Variants in RFX3 observed in about 807,000 individuals in gnomAD.
RFX3 encodes the protein regulatory factor X3.
Under a neutral mutation model 98.6 loss-of-function variants are expected in RFX3, and 14 were observed. That is an observed-to-expected ratio of 0.14 (90% confidence interval 0.09 to 0.22). The LOEUF (loss-of-function observed/expected upper bound fraction) is 0.22. RFX3 is among the 10% of genes least tolerant of loss of function. RFX3 has a pLI of 1.00. For synonymous variants in RFX3, 383 were observed against 328.4 expected (o/e 1.17, Z -1.80); for missense variants, 639 against 926.9 (o/e 0.69, Z 4.03).
chr9:3,481,852 C>T (rs1242665799), intron 1 of RFX3, among the ~76,000 whole-genome samples: 4 of 149,446 alleles, frequency 2.7e-5, no homozygotes, highest in East Asian at 2.3e-4. Context: ...TTCAACTATT[C>T]GATTGCCAAA....
At chr9:3,339,179 T>C (rs1046472847) in intron 3 of RFX3, among the ~76,000 whole-genome samples, 1 of 152,100 alleles carries the variant, frequency 6.6e-6, no homozygotes, top group Admixed American at 6.6e-5. Context: ...TTATATTCTG[T>C]GGCCGTTGCT....
intron 1 of RFX3, among the ~76,000 whole-genome samples, chr9:3,436,027 T>C (rs1389325309): frequency 6.6e-6 from 1 of 151,966 alleles, no homozygotes; most frequent in Non-Finnish European, 1.5e-5. Flanking sequence ...TAAGTAGTAG[T>C]GATAGGTAAC....
At chr9:3,313,481 C>T (rs1218978084) in intron 4 of RFX3, among the ~76,000 whole-genome samples, 1 of 152,206 alleles carries the variant, frequency 6.6e-6, no homozygotes, top group Admixed American at 6.5e-5. Flanking sequence ...AGGAACGCAG[C>T]TCCCCGCCAG....
chr9:3,441,308 T>TGAGAGAGA (rs562907863), intron 1 of RFX3, among the ~76,000 whole-genome samples: 1 of 147,102 alleles, frequency 6.8e-6, no homozygotes, highest in Non-Finnish European at 1.5e-5. Flanking sequence ...GCTACAGAAT[T>TGAGAGAGA]GAGAGAGAGA....
At chr9:3,477,140 G>C (rs993579644) in intron 1 of RFX3, among the ~76,000 whole-genome samples, 2 of 151,890 alleles carry the variant, frequency 1.3e-5, no homozygotes, top group African/African-American at 4.8e-5. Context: ...CACTTCTCCA[G>C]ACAGCAAAGT....
At chr9:3,366,267 C>T (rs1453944530) in intron 2 of RFX3, among the ~76,000 whole-genome samples, 2 of 152,090 alleles carry the variant, frequency 1.3e-5, no homozygotes, top group African/African-American at 2.4e-5. Flanking sequence ...TAGGAGAGTA[C>T]ATATAGTATA....
chr9:3,228,218 G>A (rs755697619), intron 16 of RFX3, among the ~76,000 whole-genome samples: 9 of 152,042 alleles, frequency 5.9e-5, no homozygotes, highest in Non-Finnish European at 1.0e-4. Flanking sequence ...TGCTCTATCC[G>A]CATTCTATCT....
chr9:3,248,741 G>A lies in RFX3; in HGVS notation c.1815-556C>T, dbSNP rs192287672. 2.1e-3 allele frequency among the ~76,000 whole-genome samples: 314 copies of A among 152,250 alleles called. 1 individual carries two copies. The highest frequency in any genetic ancestry group is 7.1e-3 in the African/African-American group (293 of 41,552). ...CAGCAAGTTTCCTTGGAAGGCAAAC[G>A]TATTAAGTGTTTCCAGTTTCTTAAT... On this transcript the variant is annotated intron_variant, in intron 14 of 16. Transcript: ENST00000617270.
intron 1 of RFX3, among the ~76,000 whole-genome samples, chr9:3,506,599 C>G (rs141824448): frequency 1.3e-5 from 2 of 151,788 alleles, no homozygotes; most frequent in Non-Finnish European, 2.9e-5. Context: ...CATTCCCCAA[C>G]TTCTGAAAGT....
rs553061824 is a variant in RFX3, at chr9:3,431,749, T to C, written c.-8-36153A>G. The stretch of plus-strand genomic sequence containing the variant: ...TTTAGAAAGAGGCTTGACTTAAAAA[T>C]GTCAAGACAAGAGAAGCAGTTTCTG... On this transcript the variant is annotated intron_variant, in intron 1 of 16. Transcript: ENST00000617270. 1.8e-4 allele frequency among the ~76,000 whole-genome samples: 28 copies of C among 152,266 alleles called. No individual in the cohort carries two copies. The South Asian group carries it at 3.7e-3, about 20-fold the overall frequency.
At position 3,275,569 on chromosome 9, in the gene RFX3, A is replaced by G. The variant is rs142564979; in HGVS notation, c.1017T>C (p.Ser339=). The change falls in exon 9 of 17, where the codon TCT becomes TCC. Residue 339 remains serine (S), a synonymous_variant. Coordinates refer to ENST00000617270, the MANE Select transcript of RFX3 (RefSeq NM_001282116.2). ...CAAAGGTAGTACCATCTGGCAGAGAAGAGATTTCAACTTCTCCAAACTCTG... is the reference window on the plus strand; with the variant it reads ...CAAAGGTAGTACCATCTGGCAGAGAGGAGATTTCAACTTCTCCAAACTCTG... ...ALPEFGEVEI[S]SLPDGTTFED... The G allele has an allele frequency of 2.2e-5, 36 of 1,612,536 alleles. No homozygotes were observed. The African/African-American group carries it at 4.8e-4, about 22-fold the overall frequency.
chr9:3,316,149 C>T (rs1030990020), intron 4 of RFX3, among the ~76,000 whole-genome samples: 14 of 152,068 alleles, frequency 9.2e-5, no homozygotes, highest in Admixed American at 9.2e-4. Flanking sequence ...AAACTGAATC[C>T]AGCAGTACAT....
At chr9:3,286,861 G>C (rs1335555460) in intron 7 of RFX3, among the ~76,000 whole-genome samples, 2 of 151,832 alleles carry the variant, frequency 1.3e-5, no homozygotes, top group South Asian at 4.1e-4. Flanking sequence ...ACCGCTAGGT[G>C]AATTTTCCTT....
intron 1 of RFX3, among the ~76,000 whole-genome samples, chr9:3,521,324 TG>T (rs1200883253): frequency 6.6e-6 from 1 of 152,160 alleles, no homozygotes; most frequent in Non-Finnish European, 1.5e-5. Context: ...TGCGGTAATA[TG>T]TATTAGTACA....
Position 3,470,518 on chromosome 9 carries a change from G to C in RFX3, c.-9+55229C>G, listed in dbSNP as rs182690027. On this transcript the variant is annotated intron_variant, in intron 1 of 16. Coordinates refer to ENST00000617270, the MANE Select transcript of RFX3 (RefSeq NM_001282116.2). ...TTTCTTTTTTTTTTTTAGTAGAGAC[G>C]GGGTTTCACCATGTTAGCAAGGATG... Among the ~76,000 whole-genome samples, 276 of 150,924 alleles carry C rather than the reference G, an allele frequency of 1.8e-3. 1 individual carries two copies. Among genetic ancestry groups the C allele is most frequent in the Non-Finnish European group, 2.8e-3 (188 of 67,724 alleles).
At chr9:3,505,270 A>G (rs1478404581) in intron 1 of RFX3, among the ~76,000 whole-genome samples, 1 of 74,694 alleles carries the variant, frequency 1.3e-5, no homozygotes. Context: ...ATTTATATAT[A>G]TATGAATATA....
At chr9:3,317,987 A>G (rs1001428762) in intron 4 of RFX3, among the ~76,000 whole-genome samples, 4 of 152,254 alleles carry the variant, frequency 2.6e-5, no homozygotes, top group Middle Eastern at 3.2e-3. Context: ...ATCTAGAACT[A>G]GAAATACCAT....
At chr9:3,235,908 G>A (rs977606847) in intron 15 of RFX3, among the ~76,000 whole-genome samples, 2 of 151,906 alleles carry the variant, frequency 1.3e-5, no homozygotes, top group African/African-American at 4.8e-5. Context: ...CAGGTTCCAG[G>A]GATTAAGATG....
intron 1 of RFX3, among the ~76,000 whole-genome samples, chr9:3,423,025 T>A (rs1418215998): frequency 6.6e-6 from 1 of 152,210 alleles, no homozygotes; most frequent in Non-Finnish European, 1.5e-5. Context: ...ATTTCCTTAT[T>A]GTAGAACTAT....
Sources: allele counts gnomAD v4.1 joint callset (sites outside exome capture counted in the v4.1 genomes callset), GRCh38; gene constraint gnomAD v4.1.1; transcripts MANE v1.5; gene names NCBI Gene and HGNC (gene_info 2026-07-23, HGNC 2026-07-21).